The following NFIA variants were observed in gnomAD, a reference collection of about 807,000 sequenced individuals.
NFIA encodes the protein nuclear factor 1 A-type.
Under a neutral mutation model 62.8 loss-of-function variants are expected in NFIA, and 8 were observed. That is an observed-to-expected ratio of 0.13 (90% confidence interval 0.07 to 0.23). The LOEUF is 0.23. Among genes scored for constraint, NFIA ranks in the 10% least tolerant of loss-of-function variants. The pLI is 1.00. For synonymous variants in NFIA, 235 were observed against 238.1 expected, an observed-to-expected ratio of 0.99 and a Z score of 0.12; for missense variants, 410 against 642.1, an observed-to-expected ratio of 0.64 and a Z score of 3.91.
At chr1:61,233,785 A>G (rs1023952378) in intron 2 of NFIA, among the ~76,000 whole-genome samples, 14 of 152,174 alleles carry the variant, frequency 9.2e-5, no homozygotes, top group Admixed American at 9.2e-4. Context: ...ATCAATAATT[A>G]CACTTTCCCT....
At chr1:61,439,872 T>C (rs1667499683) in intron 10 of NFIA, among the ~76,000 whole-genome samples, 1 of 152,198 alleles carries the variant, frequency 6.6e-6, no homozygotes, top group African/African-American at 2.4e-5. Context: ...GGCCACCTGC[T>C]AATTTTTTTG....
intron 2 of NFIA, among the ~76,000 whole-genome samples, chr1:61,194,818 C>G (rs1406627906): frequency 6.6e-6 from 1 of 152,162 alleles, no homozygotes; most frequent in Non-Finnish European, 1.5e-5. Context: ...CTTCCATTGA[C>G]AGGTTGCTTA....
At chr1:61,121,235 T>G (rs978169649) in intron 2 of NFIA, among the ~76,000 whole-genome samples, 2 of 152,178 alleles carry the variant, frequency 1.3e-5, no homozygotes, top group Non-Finnish European at 2.9e-5. Context: ...TCTTGTTTTA[T>G]TAGGTAATAT....
intron 1 of NFIA, 54 bp downstream of exon 1, chr1:61,082,872 G>T: frequency 2.0e-6 from 3 of 1,527,844 alleles, no homozygotes; most frequent in Admixed American, 4.1e-5. Flanking sequence ...CGGGGGCAGG[G>T]CTGGGGCTGG....
At chr1:61,296,821 A>G (rs543875584) in intron 3 of NFIA, among the ~76,000 whole-genome samples, 10 of 152,294 alleles carry the variant, frequency 6.6e-5, no homozygotes, top group Non-Finnish European at 1.3e-4. Flanking sequence ...GCTAAGACAA[A>G]TATGTTTCTC....
chr1:61,115,327 G>C (rs2100460546), intron 2 of NFIA, among the ~76,000 whole-genome samples: 1 of 152,300 alleles, frequency 6.6e-6, no homozygotes, highest in South Asian at 2.1e-4. Flanking sequence ...ACATGGTACA[G>C]GTTGGTAGAA....
intron 8 of NFIA, 22 bp from the exon 9 acceptor site, chr1:61,406,540 T>TTTC: frequency 6.8e-7 from 1 of 1,473,646 alleles, no homozygotes. Flanking sequence ...ACGTGTGTTT[T>TTTC]CTGCCCCCCC....
At chr1:61,435,416 G>A (rs917610189) in intron 10 of NFIA, among the ~76,000 whole-genome samples, 22 of 152,152 alleles carry the variant, frequency 1.4e-4, no homozygotes, top group South Asian at 4.1e-4. Context: ...TTGTTTCAGC[G>A]CTGCACGAGG....
At chr1:61,280,904 G>A (rs1658090079) in intron 3 of NFIA, among the ~76,000 whole-genome samples, 1 of 152,142 alleles carries the variant, frequency 6.6e-6, no homozygotes, top group South Asian at 2.1e-4. Context: ...CTGAGTGACT[G>A]AGTAAGGTAC....
rs1398780948 is a variant in NFIA at position 61,330,931 on chromosome 1, T to A, written c.626-1581T>A. Among the ~76,000 whole-genome samples, 4 of 152,322 alleles carry A rather than the reference T, an allele frequency of 2.6e-5. No homozygotes were observed. In the South Asian group the frequency reaches 8.3e-4, roughly 32 times the overall value. On this transcript the variant is annotated intron_variant, in intron 3 of 10. Transcript: ENST00000403491. ...GCTGTGATCTGTGGGATAAATGTAA[T>A]GTTGATGGTCTCCCTATAAGAAAGA...
At chr1:61,171,013 A>T (rs754627560) in intron 2 of NFIA, among the ~76,000 whole-genome samples, 1 of 151,160 alleles carries the variant, frequency 6.6e-6, no homozygotes. Flanking sequence ...GCTCTGTGGC[A>T]TGTGTGTGTG....
intron 2 of NFIA, among the ~76,000 whole-genome samples, chr1:61,135,763 G>A (rs1006321500): frequency 1.3e-4 from 20 of 152,102 alleles, no homozygotes; most frequent in Non-Finnish European, 2.6e-4. Flanking sequence ...GACCACCTTA[G>A]CATTACATTT....
intron 2 of NFIA, among the ~76,000 whole-genome samples, chr1:61,252,975 A>G (rs1336546690): frequency 6.6e-6 from 1 of 152,224 alleles, no homozygotes; most frequent in Non-Finnish European, 1.5e-5. Context: ...TAGAGTTTAT[A>G]TCTTGGGATG....
At chr1:61,099,243 G>A (rs1161202151) in intron 2 of NFIA, among the ~76,000 whole-genome samples, 1 of 152,184 alleles carries the variant, frequency 6.6e-6, no homozygotes, top group Admixed American at 6.5e-5. Flanking sequence ...GTTGAATCTT[G>A]GAGGTGCTGG....
chr1:61,313,119 G>A (rs899257753), intron 3 of NFIA, among the ~76,000 whole-genome samples: 5 of 152,186 alleles, frequency 3.3e-5, no homozygotes, highest in Non-Finnish European at 7.3e-5. Context: ...TGTGTTAGCG[G>A]TGACAAATTG....
upstream of NFIA, chr1:61,077,303 A>G: frequency 3.4e-6 from 1 of 296,906 alleles, no homozygotes; most frequent in East Asian, 5.5e-5. Flanking sequence ...AGGCAAAACC[A>G]GAGCGAATCT....
chr1:61,424,447 T>C (rs1004562042), intron 9 of NFIA, among the ~76,000 whole-genome samples: 3 of 152,028 alleles, frequency 2.0e-5, no homozygotes, highest in Non-Finnish European at 4.4e-5. Context: ...CTGCTATGTG[T>C]CTATGATGAG....
chr1:61,276,840 T>C (rs899388204), intron 2 of NFIA, among the ~76,000 whole-genome samples: 2 of 152,162 alleles, frequency 1.3e-5, no homozygotes, highest in Admixed American at 6.5e-5. Flanking sequence ...TTTAATTCTA[T>C]AGAGGTGTAC....
chr1:61,221,551 C>T (rs1654016556), intron 2 of NFIA, among the ~76,000 whole-genome samples: 1 of 152,024 alleles, frequency 6.6e-6, no homozygotes, highest in African/African-American at 2.4e-5. Context: ...TTATAGAGAA[C>T]AGTAGAAATC....
Sources: gnomAD v4.1 joint callset for allele counts (sites outside exome capture counted in the v4.1 genomes callset) on GRCh38, gnomAD v4.1.1 for gene constraint, MANE v1.5 for transcripts, NCBI Gene and HGNC (gene_info 2026-07-23, HGNC 2026-07-21) for gene names.